Variants in COG5 observed in about 807,000 individuals in gnomAD.
The protein encoded by COG5 is component of oligomeric golgi complex 5.
In COG5, 86 loss-of-function variants were observed where a neutral mutation model predicts 110.4. That is an observed-to-expected ratio of 0.78 (90% CI 0.65 to 0.93). The LOEUF (loss-of-function observed/expected upper bound fraction) is 0.93. COG5 is among the 40% of genes least tolerant of loss of function. The pLI, the probability that COG5 is intolerant of heterozygous loss-of-function variation, is 0.00. For missense variants in COG5, 1,077 were observed against 987.0 expected (o/e 1.09, Z -1.22); for synonymous variants, 360 against 334.6 (o/e 1.08, Z -0.83).
chr7:107,425,694 C>T (rs114982240), intron 6 of COG5, among the ~76,000 whole-genome samples: 1,859 of 152,182 alleles, frequency 0.012, 33 homozygotes, highest in African/African-American at 0.043. Context: ...AGATGCAATA[C>T]GCTGATGTAA....
intron 6 of COG5, among the ~76,000 whole-genome samples, chr7:107,424,411 G>A (rs1024179335): frequency 6.6e-5 from 10 of 151,634 alleles, no homozygotes; most frequent in Non-Finnish European, 1.2e-4. Context: ...TGATTATGTT[G>A]ATGCTTTCTC....
At chr7:107,276,275 T>C (rs1804696844) in intron 14 of COG5, among the ~76,000 whole-genome samples, 1 of 152,172 alleles carries the variant, frequency 6.6e-6, no homozygotes, top group African/African-American at 2.4e-5. Flanking sequence ...ATCAAAAAAG[T>C]TTACAAGCCT....
chr7:107,320,152 G>A (rs1046467439), intron 11 of COG5, among the ~76,000 whole-genome samples: 2 of 152,126 alleles, frequency 1.3e-5, no homozygotes, highest in African/African-American at 4.8e-5. Context: ...ATAAAAAATT[G>A]TGTCAACACT....
intron 6 of COG5, among the ~76,000 whole-genome samples, chr7:107,440,690 T>A (rs1385823471): frequency 6.6e-6 from 1 of 152,094 alleles, no homozygotes; most frequent in Non-Finnish European, 1.5e-5. Flanking sequence ...GGCTAATGAT[T>A]TAATCAATCA....
intron 6 of COG5, among the ~76,000 whole-genome samples, chr7:107,451,360 A>C (rs1215691332): frequency 1.3e-5 from 2 of 152,180 alleles, no homozygotes; most frequent in Non-Finnish European, 2.9e-5. Flanking sequence ...GACATTAGAC[A>C]ATCTAGCAGA....
intron 6 of COG5, among the ~76,000 whole-genome samples, chr7:107,447,379 G>A (rs945110641): frequency 1.3e-5 from 2 of 152,106 alleles, no homozygotes; most frequent in African/African-American, 2.4e-5. Flanking sequence ...CATATTTGGG[G>A]GTTTTAGGAA....
chr7:107,326,392 G>C (rs78055047), intron 10 of COG5, among the ~76,000 whole-genome samples: 2 of 152,186 alleles, frequency 1.3e-5, no homozygotes, highest in Admixed American at 1.3e-4. Flanking sequence ...ATATGATCTT[G>C]TATGTAGATA....
At chr7:107,267,429 T>C (rs1803891220) in intron 14 of COG5, among the ~76,000 whole-genome samples, 1 of 152,218 alleles carries the variant, frequency 6.6e-6, no homozygotes, top group Non-Finnish European at 1.5e-5. Context: ...ACACTGGCCT[T>C]GTTAATTAAA....
At chr7:107,454,747 T>C (rs572074434) in intron 6 of COG5, among the ~76,000 whole-genome samples, 113 of 152,254 alleles carry the variant, frequency 7.4e-4, no homozygotes, top group African/African-American at 2.6e-3. Flanking sequence ...AGCAGCTGTG[T>C]TGAAGCTCAG....
intron 11 of COG5, among the ~76,000 whole-genome samples, chr7:107,316,129 T>C (rs1808716555): frequency 6.6e-6 from 1 of 152,154 alleles, no homozygotes; most frequent in Admixed American, 6.5e-5. Context: ...AACTACTCTT[T>C]GGAGAAATTT....
chr7:107,297,043 C>T (rs1051245714), intron 12 of COG5, among the ~76,000 whole-genome samples: 10 of 152,180 alleles, frequency 6.6e-5, no homozygotes, highest in African/African-American at 2.2e-4. Flanking sequence ...AGATGGTATA[C>T]TGGTTTCCAA....
intron 6 of COG5, among the ~76,000 whole-genome samples, chr7:107,498,982 C>A (rs1298355039): frequency 6.6e-6 from 1 of 152,014 alleles, no homozygotes; most frequent in Non-Finnish European, 1.5e-5. Flanking sequence ...AGAAAGAAAT[C>A]CTGAAATATG....
chr7:107,288,862 C>T (rs892333594), intron 12 of COG5, among the ~76,000 whole-genome samples: 5 of 132,984 alleles, frequency 3.8e-5, no homozygotes, highest in Admixed American at 1.6e-4. Flanking sequence ...GAATTATTTA[C>T]CAAATCCTAA....
intron 19 of COG5, among the ~76,000 whole-genome samples, chr7:107,216,741 C>T (rs1431507432): frequency 6.6e-6 from 1 of 152,080 alleles, no homozygotes; most frequent in Non-Finnish European, 1.5e-5. Flanking sequence ...GTATGGGATA[C>T]AGCAAAAGCA....
chr7:107,307,361 C>A (rs1807818393), intron 11 of COG5, among the ~76,000 whole-genome samples: 1 of 152,164 alleles, frequency 6.6e-6, no homozygotes, highest in Non-Finnish European at 1.5e-5. Flanking sequence ...GTGCTGACTT[C>A]CTTCCTCTGC....
At chr7:107,512,744 A>C (rs112868929) in intron 6 of COG5, among the ~76,000 whole-genome samples, 4 of 152,296 alleles carry the variant, frequency 2.6e-5, no homozygotes, top group Non-Finnish European at 5.9e-5. Flanking sequence ...ATAATGCCGC[A>C]TATCTACAAC....
chr7:107,487,228 C>A (rs1452461517), intron 6 of COG5, among the ~76,000 whole-genome samples: 1 of 151,926 alleles, frequency 6.6e-6, no homozygotes, highest in Non-Finnish European at 1.5e-5. Context: ...GGAAAATAGG[C>A]AAAGAATACA....
chr7:107,208,376 G>C, intron 21 of COG5: 1 of 985,410 alleles, frequency 1.0e-6, no homozygotes, highest in Non-Finnish European at 1.2e-6. Context: ...AAAGAAAACA[G>C]ATTTGTGATG....
Position 107,477,132 on chromosome 7 carries a change from G to C in COG5, c.538+50105C>G, listed in dbSNP as rs1484294596. Among the ~76,000 whole-genome samples, 4 of 151,564 alleles carry C rather than the reference G, an allele frequency of 2.6e-5. No individual in the cohort carries two copies. The South Asian group carries it at 8.3e-4, about 31-fold the overall frequency. On this transcript the variant is annotated intron_variant, in intron 6 of 21. Transcript: ENST00000297135. ...AGAAATTAACACTTCAGGCACAAAA[G>C]GATTAAGAAAATTTTCGTTTAGTAA...
Sources: allele counts gnomAD v4.1 joint callset (sites outside exome capture counted in the v4.1 genomes callset), GRCh38; gene constraint gnomAD v4.1.1; transcripts MANE v1.5; gene names NCBI Gene and HGNC (gene_info 2026-07-23, HGNC 2026-07-21).